NOS3: variants seen among roughly 807,000 people sequenced by gnomAD.
NOS3 encodes the protein NOS type III.
In NOS3, 98 loss-of-function variants were observed where a neutral mutation model predicts 144.9. The observed-to-expected ratio is 0.68, with a 90% CI of 0.57 to 0.80. NOS3 has a LOEUF of 0.80. Among genes scored for constraint, NOS3 ranks in the 30% least tolerant of loss-of-function variants. The probability of loss-of-function intolerance (pLI) is 0.00; values close to 1 mark genes in which losing one functional copy is unlikely to be tolerated. For missense variants in NOS3, 1,465 were observed against 1,656.4 expected (o/e 0.88, Z 2.01); for synonymous variants, 714 against 702.4 (o/e 1.02, Z -0.26).
At chr7:151,008,860 C>T (rs1302079383) in intron 17 of NOS3, 70 bp from the exon 18 acceptor site, 28 of 1,496,002 alleles carry the variant, frequency 1.9e-5, no homozygotes, top group Non-Finnish European at 2.4e-5. Context: ...GCAGTGAAGC[C>T]GCCCAGGCGC....
At chr7:150,994,737 T>C (rs1477880356) in intron 2 of NOS3, among the ~76,000 whole-genome samples, 1 of 152,042 alleles carries the variant, frequency 6.6e-6, no homozygotes, top group African/African-American at 2.4e-5. Context: ...CGCTGGTGGC[T>C]CTGGGAGGAA....
Position 150,998,302 on chromosome 7 carries a change from C to G in NOS3, c.583-55C>G. 1 of 1,522,300 alleles carries G rather than the reference C, an allele frequency of 6.6e-7. No homozygotes were observed. The highest frequency in any genetic ancestry group is 1.2e-5 in the South Asian group (1 of 85,452). 94.3% of individuals were successfully genotyped at this position (1,522,300 alleles called of 1,614,324 possible). A position where few individuals can be genotyped will look rare whatever the true frequency, so the allele number is the denominator to read the frequency against. ...CAGCAGCTCCTCTGGAGCTGATACT[C>G]AAGACCCCCCGTCTCTCTCCTCACC... is the stretch of plus-strand genomic sequence containing the variant. On this transcript the variant is annotated intron_variant, in intron 5 of 26. Coordinates refer to ENST00000297494, the MANE Select transcript of NOS3 (RefSeq NM_000603.5). This position sits in a 1 kb window ranked among gnomAD's most constrained non-coding sequence, Gnocchi z 5.0.
rs375180814 is a variant in NOS3 at position 151,012,759 on chromosome 7, A to G, written c.3106+287A>G. ...CTAAGACTCAAAGAAGAACTGCCCA[A>G]GGTGGATTCTTGACTGTGCCAGAGC... On this transcript the variant is annotated intron_variant, in intron 24 of 26. Coordinates refer to ENST00000297494, the MANE Select transcript of NOS3 (RefSeq NM_000603.5). 119 of 374,594 alleles carry G rather than the reference A, an allele frequency of 3.2e-4. 1 individual carries two copies. The East Asian group carries it at 4.5e-3, about 14-fold the overall frequency. 23.2% of individuals were successfully genotyped at this position (374,594 alleles called of 1,614,324 possible).
rs199658738 is a variant in NOS3 at position 151,012,492 on chromosome 7, G to C, written c.3106+20G>C. On this transcript the variant is annotated intron_variant, in intron 24 of 26. Transcript: ENST00000297494. ...GCAAAGGTGAGGCTGGGGACTAAAG[G>C]ACTGCCTGAAGGGAGTCACACAATC... 6.2e-4 allele frequency: 992 copies of C among 1,609,086 alleles called. 6 individuals are homozygous for C. Among genetic ancestry groups the C allele is most frequent in the Non-Finnish European group, 6.4e-4 (750 of 1,177,006 alleles).
rs577673104 is a variant in NOS3, at chr7:150,994,056, G to T, written c.158+95G>T. 1.4e-5 allele frequency: 19 copies of T among 1,340,986 alleles called. No individual in the cohort carries two copies. In the South Asian group the frequency reaches 1.8e-4, roughly 13 times the overall value. 83.1% of individuals were successfully genotyped at this position (1,340,986 alleles called of 1,614,324 possible). A position where few individuals can be genotyped will look rare whatever the true frequency, so the allele number is the denominator to read the frequency against. On this transcript the variant is annotated intron_variant, in intron 2 of 26. Transcript: ENST00000297494. ...AAGGTCTGGAACTTGTAGCTGAGTCGGGAGGGCCAGGTCACAAATGCAAAA... is the reference window on the plus strand; with the variant it reads ...AAGGTCTGGAACTTGTAGCTGAGTCTGGAGGGCCAGGTCACAAATGCAAAA...
At chr7:151,009,368 C>A (rs764499455) in intron 19 of NOS3, 30 bp from the exon 20 acceptor site, 3 of 879,358 alleles carry the variant, frequency 3.4e-6, no homozygotes, top group African/African-American at 1.6e-5. Context: ...CTCTCTGACT[C>A]CCCATAAGTG....
rs1489212268 is a variant in NOS3 at position 151,002,917 on chromosome 7, G to T, written c.1752+613G>T. ...GCCGCAGGCTCCTTTTTCAAAAGAA[G>T]AAATTGAGCGCTGTTTAGATGCCAA... On this transcript the variant is annotated intron_variant, in intron 14 of 26. Transcript: ENST00000297494. This position sits in a 1 kb window ranked among gnomAD's most constrained non-coding sequence, Gnocchi z 4.1. The T allele has an allele frequency of 1.1e-5, 2 of 185,418 alleles. No homozygotes were observed. The highest frequency in any genetic ancestry group is 2.3e-5 in the Non-Finnish European group (2 of 87,324). 11.5% of individuals were successfully genotyped at this position (185,418 alleles called of 1,614,324 possible). A position where few individuals can be genotyped will look rare whatever the true frequency, so the allele number is the denominator to read the frequency against.
rs912709302 is a variant in NOS3 at position 150,993,564 on chromosome 7, T to C, written c.-51-189T>C. Among the ~76,000 whole-genome samples, 2 of 151,756 alleles carry C rather than the reference T, an allele frequency of 1.3e-5. No homozygotes were observed. Among genetic ancestry groups the C allele is most frequent in the African/African-American group, 2.4e-5 (1 of 41,276 alleles). ...CTGGGCTCCCACTTATCAGCCTCAG[T>C]CCTCACAGCGGAACCCAGGCGTCCG... On this transcript the variant is annotated intron_variant, in intron 1 of 26. Coordinates refer to ENST00000297494, the MANE Select transcript of NOS3 (RefSeq NM_000603.5). The surrounding 1 kb of genome is among the most constrained non-coding windows in gnomAD (Gnocchi z 4.0).
intron 14 of NOS3, among the ~76,000 whole-genome samples, chr7:151,005,312 C>T (rs1795189597): frequency 6.6e-6 from 1 of 152,188 alleles, no homozygotes; most frequent in Admixed American, 6.5e-5. Flanking sequence ...CACTTGGGAA[C>T]CAGCACCCAG....
intron 21 of NOS3, 73 bp from the exon 22 acceptor site, chr7:151,010,524 G>C: frequency 1.4e-6 from 2 of 1,401,458 alleles, no homozygotes; most frequent in South Asian, 2.8e-5. Context: ...AGGCTCAGTG[G>C]GGGAGGGGTC....
chr7:150,999,428 C>T, intron 9 of NOS3, 64 bp downstream of exon 9: 1 of 1,485,678 alleles, frequency 6.7e-7, no homozygotes, highest in Non-Finnish European at 9.0e-7. Context: ...CTGGCTCTCA[C>T]TCCATCCCCA....
In NOS3 at chr7:151,001,435, C is replaced by T. The variant is rs1406181597; in HGVS notation, c.1428+10C>T. ...GGCCTTCCGCTACCAGGTGCCCACC[C>T]TAACTGGCTCTGCCAGCCTGGGCCC... On this transcript the variant is annotated intron_variant, in intron 11 of 26. Coordinates refer to ENST00000297494, the MANE Select transcript of NOS3 (RefSeq NM_000603.5). 1 of 1,586,926 alleles carries T rather than the reference C, an allele frequency of 6.3e-7. No individual in the cohort carries two copies. The highest frequency in any genetic ancestry group is 1.1e-5 in the South Asian group (1 of 87,162).
intron 8 of NOS3, 29 bp from the exon 9 acceptor site, chr7:150,999,161 G>C (rs369937278): frequency 6.2e-7 from 1 of 1,610,376 alleles, no homozygotes; most frequent in Non-Finnish European, 8.5e-7. Flanking sequence ...CTGCAAGGGG[G>C]TGCTGATCCC....
rs1264482033 is a variant in NOS3, at chr7:151,003,845, CCA to C, written c.1752+1542_1752+1543del. The C allele has an allele frequency of 7.3e-6, 3 of 409,914 alleles. No homozygotes were observed. Among genetic ancestry groups the C allele is most frequent in the Admixed American group, 2.6e-5 (1 of 37,994 alleles). The allele number at this position is 409,914 out of a possible 1,614,324, so 25.4% of individuals were successfully genotyped here. ...AGTGCCGTTCATTGTGTGAATATCC[CCA>C]GTTTGTTTACCCATTCTCTTGTTGG... On this transcript the variant is annotated intron_variant, in intron 14 of 26. Transcript: ENST00000297494. This position sits in a 1 kb window ranked among gnomAD's most constrained non-coding sequence, Gnocchi z 4.1.
chr7:151,006,406 T>G, intron 14 of NOS3, 21 bp from the exon 15 acceptor site: 1 of 1,607,492 alleles, frequency 6.2e-7, no homozygotes, highest in Non-Finnish European at 8.5e-7. Context: ...CTAACCCTGA[T>G]GCAAACACTC....
chr7:150,997,947 C>T (rs909695356), intron 5 of NOS3, among the ~76,000 whole-genome samples: 1 of 152,202 alleles, frequency 6.6e-6, no homozygotes, highest in Admixed American at 6.5e-5. Context: ...GCAGCCTTCC[C>T]TTCCCACCAT....
chr7:151,002,217 G>A lies in NOS3; in HGVS notation c.1665G>A (p.Glu555=), dbSNP rs1287194550. ...AFDPRVLCMD[E]YDVVSLEHET... ...ACCCACAGGTCCTGTGTATGGATGAGTATGACGTGGTGTCCCTCGAACACG... is the reference window on the plus strand; with the variant it reads ...ACCCACAGGTCCTGTGTATGGATGAATATGACGTGGTGTCCCTCGAACACG... The change falls in exon 14 of 27, where the codon GAG becomes GAA. Residue 555 remains glutamate (E), a synonymous_variant. Coordinates refer to ENST00000297494, the MANE Select transcript of NOS3 (RefSeq NM_000603.5). This position sits in a 1 kb window ranked among gnomAD's most constrained non-coding sequence, Gnocchi z 4.1. 1.3e-6 allele frequency: 2 copies of A among 1,597,040 alleles called. No homozygotes were observed. Among genetic ancestry groups the A allele is most frequent in the Non-Finnish European group, 1.7e-6 (2 of 1,171,202 alleles).
chr7:150,993,849 G>T lies in NOS3; in HGVS notation c.46G>T (p.Gly16Cys). ...GGCCCAGGAGCCTGGGCCACCCTGC[G>T]GCCTGGGGCTGGGGCTGGGCCTTGG... ...SVAQEPGPPCGLGLGLGLGLC... is the reference protein window; with the variant it reads ...SVAQEPGPPCCLGLGLGLGLC... The change falls in exon 2 of 27, where the codon GGC becomes TGC. Residue 16 changes from glycine (G) to cysteine (C), a missense_variant. Around this residue, in one of 5 missense-constraint regions of NOS3, gnomAD observed 374 missense variants for 377.0 expected, o/e 0.99. Coordinates refer to ENST00000297494, the MANE Select transcript of NOS3 (RefSeq NM_000603.5). The surrounding 1 kb of genome is among the most constrained non-coding windows in gnomAD (Gnocchi z 4.0). The T allele has an allele frequency of 6.2e-7, 1 of 1,601,756 alleles. No individual in the cohort carries two copies. The highest frequency in any genetic ancestry group is 8.5e-7 in the Non-Finnish European group (1 of 1,176,708).
rs1399190911 is a variant in NOS3, at chr7:150,996,480, G to A, written c.347G>A (p.Gly116Asp). 1.6e-5 allele frequency: 25 copies of A among 1,597,052 alleles called. No individual in the cohort carries two copies. Among genetic ancestry groups the A allele is most frequent in the Non-Finnish European group, 1.8e-5 (21 of 1,173,182 alleles). ...AAACTACAGGGCCGGCCCTCCCCCG[G>A]CCCCCCGGCCCCTGAGCAGCTGCTG... ...PRKLQGRPSP[G>D]PPAPEQLLSQ... Residue 116 changes from glycine to aspartate, a missense_variant, in exon 4 of 27, where the codon GGC becomes GAC. By Grantham distance (94) the Gly-to-Asp change is moderately conservative. Transcript: ENST00000297494.
Sources: allele counts gnomAD v4.1 joint callset (sites outside exome capture counted in the v4.1 genomes callset), GRCh38; gene constraint gnomAD v4.1.1; regional missense constraint gnomAD v4.1.1; non-coding constraint Gnocchi (gnomAD v3.1); transcripts MANE v1.5; gene names NCBI Gene and HGNC (gene_info 2026-07-23, HGNC 2026-07-21).